The following MND1 variants were observed in gnomAD, a reference collection of about 807,000 sequenced individuals.
MND1 encodes the protein meiotic nuclear division protein 1 homolog.
In MND1, 28 loss-of-function variants were observed where a neutral mutation model predicts 35.1. That is an observed-to-expected ratio of 0.80 (90% CI 0.59 to 1.09). The LOEUF (loss-of-function observed/expected upper bound fraction) is 1.09. MND1 is among the 50% of genes least tolerant of loss of function. The pLI is 0.00. For synonymous variants in MND1, 69 were observed against 70.5 expected (o/e 0.98, Z 0.11); for missense variants, 213 against 239.6 (o/e 0.89, Z 0.73).
chr4:153,375,709 T>C (rs984800249), intron 4 of MND1, among the ~76,000 whole-genome samples: 2 of 152,160 alleles, frequency 1.3e-5, no homozygotes, highest in African/African-American at 4.8e-5. Context: ...GCTTACCTAA[T>C]TGCTTAAAAC....
At chr4:153,374,081 T>C (rs962206934) in intron 4 of MND1, among the ~76,000 whole-genome samples, 2 of 152,168 alleles carry the variant, frequency 1.3e-5, no homozygotes, top group African/African-American at 4.8e-5. Context: ...AAAGCCTTGG[T>C]TTCCTAGTTT....
At chr4:153,350,530 A>C (rs1436103821) in intron 2 of MND1, among the ~76,000 whole-genome samples, 1 of 152,222 alleles carries the variant, frequency 6.6e-6, no homozygotes, top group Non-Finnish European at 1.5e-5. Context: ...TTTCAGAGGG[A>C]GTACCAAATA....
intron 2 of MND1, among the ~76,000 whole-genome samples, chr4:153,353,731 T>G (rs1226469321): frequency 1.3e-5 from 2 of 152,082 alleles, no homozygotes; most frequent in Admixed American, 6.6e-5. Context: ...CTAGGTTTTT[T>G]TGTTCTTATT....
intron 6 of MND1, among the ~76,000 whole-genome samples, chr4:153,399,023 T>A (rs377062503): frequency 7.2e-5 from 11 of 152,238 alleles, no homozygotes; most frequent in East Asian, 5.8e-4. Context: ...CTAGGTTGAA[T>A]ACTTTCAGGT....
chr4:153,408,826 C>T (rs1465782044), intron 6 of MND1, 145 bp from the exon 7 acceptor site: 1 of 199,794 alleles, frequency 5.0e-6, no homozygotes, highest in Non-Finnish European at 1.0e-5. Flanking sequence ...CAGCTTTTTT[C>T]ATAGCCATTT....
At chr4:153,372,637 C>T (rs1773819431) in intron 4 of MND1, among the ~76,000 whole-genome samples, 1 of 152,184 alleles carries the variant, frequency 6.6e-6, no homozygotes, top group South Asian at 2.1e-4. Flanking sequence ...CCTCCTATCC[C>T]CAGGAAACTT....
chr4:153,347,390 A>G (rs1248195853), intron 1 of MND1, among the ~76,000 whole-genome samples: 2 of 152,158 alleles, frequency 1.3e-5, no homozygotes, highest in Non-Finnish European at 2.9e-5. Flanking sequence ...ATTCACTATG[A>G]TTAATTCACC....
intron 4 of MND1, among the ~76,000 whole-genome samples, chr4:153,365,739 A>C (rs1013483444): frequency 2.6e-5 from 4 of 152,134 alleles, no homozygotes; most frequent in African/African-American, 9.7e-5. Flanking sequence ...TTCTGGGATT[A>C]CTGGTGTGAG....
chr4:153,401,945 A>G (rs998410927), intron 6 of MND1, among the ~76,000 whole-genome samples: 11 of 152,220 alleles, frequency 7.2e-5, no homozygotes, highest in Non-Finnish European at 1.6e-4. Flanking sequence ...ACTAGGGGTC[A>G]GGAGTTTGAG....
At chr4:153,376,049 T>C (rs1470193668) in intron 4 of MND1, among the ~76,000 whole-genome samples, 1 of 152,152 alleles carries the variant, frequency 6.6e-6, no homozygotes, top group Non-Finnish European at 1.5e-5. Flanking sequence ...ATTTTTTTAG[T>C]ATTTGGATGA....
chr4:153,384,696 G>A (rs760988413), intron 4 of MND1, among the ~76,000 whole-genome samples: 1 of 151,968 alleles, frequency 6.6e-6, no homozygotes, highest in African/African-American at 2.4e-5. Context: ...CATTGTAATT[G>A]ATTGTGGTCC....
chr4:153,398,771 A>G (rs957038336), intron 6 of MND1, among the ~76,000 whole-genome samples: 1 of 152,258 alleles, frequency 6.6e-6, no homozygotes, highest in Non-Finnish European at 1.5e-5. Context: ...ACCTACAAAA[A>G]TAAATACCTT....
intron 4 of MND1, among the ~76,000 whole-genome samples, chr4:153,369,732 A>G (rs1773745660): frequency 6.6e-6 from 1 of 151,308 alleles, no homozygotes; most frequent in South Asian, 2.1e-4. Context: ...TTTTAAAAAT[A>G]AGACAACCGT....
At chr4:153,362,905 G>A in intron 4 of MND1, 1 of 656,250 alleles carries the variant, frequency 1.5e-6, no homozygotes, top group Non-Finnish European at 1.9e-6. Flanking sequence ...ACCGCCTCAT[G>A]TTTTATACAG....
At chr4:153,390,986 CTT>C (rs1219138412) in intron 4 of MND1, among the ~76,000 whole-genome samples, 1 of 148,616 alleles carries the variant, frequency 6.7e-6, no homozygotes, top group African/African-American at 2.5e-5. Flanking sequence ...TAATTAGTAA[CTT>C]TTTGGATAAT....
Position 153,356,006 on chromosome 4 carries a change from T to A in MND1, c.127+295T>A, listed in dbSNP as rs1052873009. ...TCCCATTGCAATAAAAAAATACTTT[T>A]AAAAATCTAGTTGATAAGCTGGCTG... On this transcript the variant is annotated intron_variant, in intron 3 of 7. Transcript: ENST00000240488. 3.3e-5 allele frequency among the ~76,000 whole-genome samples: 5 copies of A among 152,304 alleles called. No homozygotes were observed. In the East Asian group the frequency reaches 5.8e-4, roughly 18 times the overall value.
intron 4 of MND1, among the ~76,000 whole-genome samples, chr4:153,383,343 A>C (rs916742176): frequency 2.2e-4 from 33 of 152,250 alleles, no homozygotes; most frequent in Non-Finnish European, 2.9e-5. Flanking sequence ...GGTAGCAGCC[A>C]GAAAAATAGA....
chr4:153,409,011 G>C lies in MND1; in HGVS notation c.507G>C (p.Trp169Cys), dbSNP rs551907174. 9 of 1,365,316 alleles carry C rather than the reference G, an allele frequency of 6.6e-6. No individual in the cohort carries two copies. The East Asian group carries it at 2.6e-4, about 40-fold the overall frequency. 84.6% of individuals were successfully genotyped at this position (1,365,316 alleles called of 1,614,324 possible). The stretch of plus-strand genomic sequence containing the variant: ...TAGCCAAAGAAGCTGCTAACAGATG[G>C]ACTGGTATGTACTATAATAATGCTG... ...NKVAKEAANRWTDNIFAIKSW... is the reference protein window; with the variant it reads ...NKVAKEAANRCTDNIFAIKSW... The change falls in exon 7 of 8, where the codon TGG becomes TGC. Residue 169 changes from tryptophan to cysteine, a missense_variant. Trp to Cys is a radical substitution (Grantham distance 215). Transcript: ENST00000240488.
chr4:153,389,087 G>A (rs757407939), intron 4 of MND1, among the ~76,000 whole-genome samples: 2 of 152,196 alleles, frequency 1.3e-5, no homozygotes, highest in Non-Finnish European at 2.9e-5. Context: ...AAACCAATTA[G>A]GAAAGGGTAG....
Sources: allele counts gnomAD v4.1 joint callset (sites outside exome capture counted in the v4.1 genomes callset), GRCh38; gene constraint gnomAD v4.1.1; transcripts MANE v1.5; gene names NCBI Gene and HGNC (gene_info 2026-07-23, HGNC 2026-07-21).